E2F3: variants seen among roughly 807,000 people sequenced by gnomAD.
The protein encoded by E2F3 is E2F transcription factor 3.
In E2F3, 11 loss-of-function variants were observed where a neutral mutation model predicts 44.4. That is an observed-to-expected ratio of 0.25 (90% confidence interval 0.16 to 0.41). The LOEUF (loss-of-function observed/expected upper bound fraction) is 0.41. Among genes scored for constraint, E2F3 ranks in the 10% least tolerant of loss-of-function variants. The pLI is 1.00. For missense variants in E2F3, 487 were observed against 583.6 expected (o/e 0.83, Z 1.70); for synonymous variants, 249 against 253.0 (o/e 0.98, Z 0.15).
chr6:20,436,374 C>T (rs1554137080), intron 1 of E2F3, among the ~76,000 whole-genome samples: 2 of 152,184 alleles, frequency 1.3e-5, no homozygotes, highest in South Asian at 4.2e-4. Flanking sequence ...CTTTTGGCTT[C>T]CCTGGGCCAC....
intron 1 of E2F3, among the ~76,000 whole-genome samples, chr6:20,408,825 C>T (rs1220035935): frequency 3.3e-5 from 5 of 152,226 alleles, no homozygotes; most frequent in African/African-American, 9.7e-5. Flanking sequence ...GCCCAACTCT[C>T]TGGGGCCATT....
chr6:20,460,241 A>C (rs543328415), intron 1 of E2F3, among the ~76,000 whole-genome samples: 1 of 152,274 alleles, frequency 6.6e-6, no homozygotes, highest in African/African-American at 2.4e-5. Context: ...TATTTTCACC[A>C]ATTTTACAAA....
At chr6:20,416,481 T>C (rs939379257) in intron 1 of E2F3, among the ~76,000 whole-genome samples, 9 of 152,350 alleles carry the variant, frequency 5.9e-5, no homozygotes, top group African/African-American at 2.2e-4. Context: ...TACCCTGGTC[T>C]TGTCTTTGAT....
At chr6:20,447,211 C>T (rs576932928) in intron 1 of E2F3, among the ~76,000 whole-genome samples, 1 of 152,156 alleles carries the variant, frequency 6.6e-6, no homozygotes, top group East Asian at 1.9e-4. Context: ...CAGTGCTGGG[C>T]GTTCTGCAGC....
intron 5 of E2F3, among the ~76,000 whole-genome samples, chr6:20,487,362 G>A (rs1762424900): frequency 6.6e-6 from 1 of 152,138 alleles, no homozygotes; most frequent in African/African-American, 2.4e-5. Context: ...GATAAAAAGA[G>A]AATGAAAGTT....
rs1759355974 is a variant in E2F3 at position 20,402,901 on chromosome 6, T to A, written c.393+276T>A. Among the ~76,000 whole-genome samples, 1 of 151,966 alleles carries A rather than the reference T, an allele frequency of 6.6e-6. No homozygotes were observed. Among genetic ancestry groups the A allele is most frequent in the Non-Finnish European group, 1.5e-5 (1 of 67,982 alleles). ...AAAACTTTTCGCGGCCCCCCCTTCTTTTCCTGCACTTTTCCCTACCCCCAC... is the reference window on the plus strand; with the variant it reads ...AAAACTTTTCGCGGCCCCCCCTTCTATTCCTGCACTTTTCCCTACCCCCAC... On this transcript the variant is annotated intron_variant, in intron 1 of 6. Transcript: ENST00000346618. This position sits in a 1 kb window ranked among gnomAD's most constrained non-coding sequence, Gnocchi z 5.6.
At chr6:20,480,764 T>C (rs1301437104) in intron 2 of E2F3, among the ~76,000 whole-genome samples, 2 of 151,730 alleles carry the variant, frequency 1.3e-5, no homozygotes, top group African/African-American at 4.9e-5. Context: ...TGAAAGGCCA[T>C]TTGAGATGGG....
chr6:20,410,391 A>G (rs951388287), intron 1 of E2F3, among the ~76,000 whole-genome samples: 23 of 152,186 alleles, frequency 1.5e-4, no homozygotes, highest in Non-Finnish European at 3.2e-4. Context: ...TAGCCCTGTG[A>G]CTTTGGGCAA....
intron 1 of E2F3, among the ~76,000 whole-genome samples, chr6:20,412,267 T>C (rs1484805972): frequency 6.6e-6 from 1 of 152,078 alleles, no homozygotes; most frequent in African/African-American, 2.4e-5. Context: ...TGGAGTACAT[T>C]AGGGCACACA....
At chr6:20,457,469 C>G (rs1398509452) in intron 1 of E2F3, among the ~76,000 whole-genome samples, 5 of 150,110 alleles carry the variant, frequency 3.3e-5, no homozygotes, top group African/African-American at 1.2e-4. Context: ...TTACAGGTGT[C>G]AACCACTGCA....
chr6:20,425,571 T>C (rs1260409894), intron 1 of E2F3, among the ~76,000 whole-genome samples: 1 of 152,146 alleles, frequency 6.6e-6, no homozygotes, highest in Non-Finnish European at 1.5e-5. Flanking sequence ...GTATTTTTAG[T>C]AGAGACGGGG....
chr6:20,432,925 C>T (rs1245810469), intron 1 of E2F3, among the ~76,000 whole-genome samples: 2 of 152,208 alleles, frequency 1.3e-5, no homozygotes, highest in Admixed American at 1.3e-4. Flanking sequence ...TTCATATGAC[C>T]TTGGCTCCTT....
At chr6:20,444,119 G>A (rs957722264) in intron 1 of E2F3, among the ~76,000 whole-genome samples, 7 of 152,142 alleles carry the variant, frequency 4.6e-5, no homozygotes, top group African/African-American at 1.7e-4. Context: ...AGCCCAGGAG[G>A]CAGAGGCTGC....
intron 1 of E2F3, among the ~76,000 whole-genome samples, chr6:20,403,326 T>C (rs1759374335): frequency 1.3e-5 from 2 of 151,724 alleles, no homozygotes; most frequent in Admixed American, 1.3e-4. Context: ...ATCCTGGCAG[T>C]GGCAGCGGCG....
Position 20,450,815 on chromosome 6 carries a change from G to A in E2F3, c.394-29031G>A, listed in dbSNP as rs1210398002. On this transcript the variant is annotated intron_variant, in intron 1 of 6. Transcript: ENST00000346618. ...AGTTGATTTTTATATATGGTATAACGAAAGAGTCCACTTTCAATCTTCTGC... is the reference window on the plus strand; with the variant it reads ...AGTTGATTTTTATATATGGTATAACAAAAGAGTCCACTTTCAATCTTCTGC... Among the ~76,000 whole-genome samples the A allele has an allele frequency of 2.6e-5, 4 of 152,200 alleles. No homozygotes were observed. The East Asian group carries it at 5.8e-4, about 22-fold the overall frequency.
intron 1 of E2F3, among the ~76,000 whole-genome samples, chr6:20,472,025 A>AACACACACACACACAC (rs57925127): frequency 7.2e-5 from 10 of 138,444 alleles, no homozygotes; most frequent in South Asian, 4.9e-4. Context: ...CCCCCCCTCC[A>AACACACACACACACAC]ACACACACAC....
intron 1 of E2F3, among the ~76,000 whole-genome samples, chr6:20,418,715 T>C (rs1442156771): frequency 6.6e-6 from 1 of 152,200 alleles, no homozygotes; most frequent in Non-Finnish European, 1.5e-5. Flanking sequence ...TGGTCTCCTC[T>C]CTAGAGCGTA....
chr6:20,476,329 C>T (rs1304123365), intron 1 of E2F3, among the ~76,000 whole-genome samples: 9 of 152,066 alleles, frequency 5.9e-5, no homozygotes, highest in Non-Finnish European at 1.2e-4. Context: ...TGAAATTGCA[C>T]CACTGCACTC....
rs576779703 is a variant in E2F3, at chr6:20,482,994, T to C, written c.884+74T>C. The C allele has an allele frequency of 7.5e-6, 12 of 1,599,464 alleles. No homozygotes were observed. In the East Asian group the frequency reaches 2.0e-4, roughly 27 times the overall value. The stretch of plus-strand genomic sequence containing the variant: ...TTTCCAGAGTTGACAATCTGACTTA[T>C]GCACAAGGTAGATTATTATTCTGAT... On this transcript the variant is annotated intron_variant, in intron 4 of 6. Coordinates refer to ENST00000346618, the MANE Select transcript of E2F3 (RefSeq NM_001949.5).
Sources: allele counts gnomAD v4.1 joint callset (sites outside exome capture counted in the v4.1 genomes callset), GRCh38; gene constraint gnomAD v4.1.1; non-coding constraint Gnocchi (gnomAD v3.1); transcripts MANE v1.5; gene names NCBI Gene and HGNC (gene_info 2026-07-23, HGNC 2026-07-21).